Variants in TRDN observed in about 807,000 individuals in gnomAD.
The protein encoded by TRDN is triadin, also known as triadin in skeletal muscle.
In TRDN, 161 loss-of-function variants were observed where a neutral mutation model predicts 149.7. The ratio of observed to expected loss-of-function variants is 1.08; its 90% CI spans 0.95 to 1.23. The LOEUF is 1.23. TRDN is among the 50% of genes most tolerant of loss of function. The pLI is 0.00. For synonymous variants in TRDN, 294 were observed against 250.5 expected, an observed-to-expected ratio of 1.17 and a Z score of -1.64; for missense variants, 896 against 823.5, an observed-to-expected ratio of 1.09 and a Z score of -1.08.
chr6:123,520,925 A>C (rs1351948950), intron 5 of TRDN, among the ~76,000 whole-genome samples: 1 of 152,184 alleles, frequency 6.6e-6, no homozygotes, highest in Non-Finnish European at 1.5e-5. Flanking sequence ...CTAAGAGAAG[A>C]CAAAAATAAA....
At chr6:123,598,345 G>T (rs1003558497) in intron 1 of TRDN, among the ~76,000 whole-genome samples, 1 of 151,928 alleles carries the variant, frequency 6.6e-6, no homozygotes, top group African/African-American at 2.4e-5. Flanking sequence ...ATAACAGATC[G>T]TATTGTATGT....
chr6:123,474,808 C>G (rs1342395904), intron 9 of TRDN, among the ~76,000 whole-genome samples: 2 of 151,966 alleles, frequency 1.3e-5, no homozygotes, highest in African/African-American at 4.8e-5. Context: ...AACTGAACAA[C>G]CTGCTCCTGA....
chr6:123,313,161 C>G (rs1397716448), intron 24 of TRDN, among the ~76,000 whole-genome samples: 1 of 151,900 alleles, frequency 6.6e-6, no homozygotes, highest in African/African-American at 2.4e-5. Context: ...TCTATGCTAG[C>G]TATTTTGTCT....
At chr6:123,518,136 T>C (rs563884830) in intron 5 of TRDN, among the ~76,000 whole-genome samples, 1 of 152,310 alleles carries the variant, frequency 6.6e-6, no homozygotes, top group Non-Finnish European at 1.5e-5. Context: ...CTTTTGACAA[T>C]TTATTGAAAT....
intron 19 of TRDN, among the ~76,000 whole-genome samples, chr6:123,372,575 A>C (rs576502703): frequency 6.6e-6 from 1 of 152,278 alleles, no homozygotes; most frequent in South Asian, 2.1e-4. Context: ...CCCAGCCCTA[A>C]GGTCCTTGAG....
chr6:123,580,846 C>T (rs1448929668), intron 1 of TRDN, among the ~76,000 whole-genome samples: 1 of 152,202 alleles, frequency 6.6e-6, no homozygotes, highest in Non-Finnish European at 1.5e-5. Flanking sequence ...TCCATCCTCA[C>T]AGTTTGCACT....
intron 9 of TRDN, among the ~76,000 whole-genome samples, chr6:123,491,230 A>T (rs559289755): frequency 1.2e-3 from 184 of 152,282 alleles, no homozygotes; most frequent in African/African-American, 4.3e-3. Flanking sequence ...AAGGTTTATA[A>T]AAATTAAAGT....
intron 1 of TRDN, among the ~76,000 whole-genome samples, chr6:123,607,962 T>C (rs185274616): frequency 6.6e-6 from 1 of 152,112 alleles, no homozygotes; most frequent in African/African-American, 2.4e-5. Flanking sequence ...GTGCCTGGAT[T>C]ATAGGCATGA....
At chr6:123,632,014 G>A (rs1248920437) in intron 1 of TRDN, among the ~76,000 whole-genome samples, 1 of 152,018 alleles carries the variant, frequency 6.6e-6, no homozygotes, top group African/African-American at 2.4e-5. Context: ...AACATCCAGA[G>A]TATATTAAAT....
chr6:123,594,514 T>C (rs542165773), intron 1 of TRDN, among the ~76,000 whole-genome samples: 22 of 152,008 alleles, frequency 1.4e-4, no homozygotes, highest in Non-Finnish European at 2.4e-4. Flanking sequence ...ATATTTACAA[T>C]AAAATGTTTC....
intron 20 of TRDN, among the ~76,000 whole-genome samples, chr6:123,363,875 G>T (rs1055619704): frequency 6.6e-6 from 1 of 152,164 alleles, no homozygotes; most frequent in South Asian, 2.1e-4. Context: ...TGAGTTTGGC[G>T]TAGAGGTTTC....
chr6:123,635,443 A>G (rs1215936115), intron 1 of TRDN, among the ~76,000 whole-genome samples: 1 of 151,818 alleles, frequency 6.6e-6, no homozygotes, highest in African/African-American at 2.4e-5. Context: ...TTTTTCTGCC[A>G]AACTGAGATA....
chr6:123,491,609 T>C lies in TRDN; in HGVS notation c.853+5584A>G, dbSNP rs191758203. ...TTACTCATTCCTGGTATACTGAGAT[T>C]AGAATGTATATTTTCTATGTCTTCA... is the stretch of plus-strand genomic sequence containing the variant. On this transcript the variant is annotated intron_variant, in intron 9 of 40. Coordinates refer to ENST00000334268, the MANE Select transcript of TRDN (RefSeq NM_006073.4). 2.1e-3 allele frequency among the ~76,000 whole-genome samples: 319 copies of C among 152,308 alleles called. 1 individual carries two copies. Among genetic ancestry groups the C allele is most frequent in the East Asian group, 0.019 (97 of 5,186 alleles).
intron 10 of TRDN, among the ~76,000 whole-genome samples, chr6:123,454,908 G>T (rs561603082): frequency 2.6e-5 from 4 of 152,304 alleles, no homozygotes; most frequent in East Asian, 3.9e-4. Context: ...GTGCCAAAAA[G>T]GTTGAGGAAT....
chr6:123,611,370 T>C (rs1784801414), intron 1 of TRDN, among the ~76,000 whole-genome samples: 1 of 152,160 alleles, frequency 6.6e-6, no homozygotes, highest in South Asian at 2.1e-4. Flanking sequence ...CACACTGTAG[T>C]CTGCTTAAGT....
intron 1 of TRDN, among the ~76,000 whole-genome samples, chr6:123,580,580 C>A (rs1763597419): frequency 6.6e-6 from 1 of 152,118 alleles, no homozygotes; most frequent in African/African-American, 2.4e-5. Context: ...AGATTAACTT[C>A]CTCTTTGTTG....
chr6:123,220,636 A>G (rs1415864480), intron 40 of TRDN, among the ~76,000 whole-genome samples: 2 of 151,802 alleles, frequency 1.3e-5, no homozygotes, highest in East Asian at 3.9e-4. Flanking sequence ...CATAGTAGGC[A>G]TTCAGTATCT....
chr6:123,275,320 A>G (rs12529048), intron 26 of TRDN, among the ~76,000 whole-genome samples: 27,615 of 151,992 alleles, frequency 0.18, 3,140 homozygotes, highest in East Asian at 0.54. Flanking sequence ...AGAGGAAAAG[A>G]GACACAAATA....
intron 1 of TRDN, among the ~76,000 whole-genome samples, chr6:123,584,801 T>A (rs1415601237): frequency 1.3e-5 from 2 of 151,978 alleles, no homozygotes; most frequent in African/African-American, 2.4e-5. Context: ...AATAATGGAT[T>A]GTGGAGGGAG....
Sources: gnomAD v4.1 joint callset for allele counts (sites outside exome capture counted in the v4.1 genomes callset) on GRCh38, gnomAD v4.1.1 for gene constraint, MANE v1.5 for transcripts, NCBI Gene and HGNC (gene_info 2026-07-23, HGNC 2026-07-21) for gene names.